The following FOXA3 variants were observed in gnomAD, a reference collection of about 807,000 sequenced individuals.
FOXA3 encodes hepatocyte nuclear factor 3-gamma.
Under a neutral mutation model 16.9 loss-of-function variants are expected in FOXA3, and 11 were observed. The ratio of observed to expected loss-of-function variants is 0.65; its 90% CI spans 0.41 to 1.08. The LOEUF is 1.08. Ranked by LOEUF, FOXA3 falls within the 50% of genes least tolerant of loss-of-function variation. FOXA3 has a pLI of 0.00. For missense variants in FOXA3, 423 were observed against 470.1 expected (o/e 0.90, Z 0.93); for synonymous variants, 217 against 203.3 (o/e 1.07, Z -0.57).
Position 45,864,454 on chromosome 19 carries a change from G to C in FOXA3, c.-3G>C. 1 of 1,478,026 alleles carries C rather than the reference G, an allele frequency of 6.8e-7. No homozygotes were observed. Among genetic ancestry groups the C allele is most frequent in the African/African-American group, 1.4e-5 (1 of 70,454 alleles). The allele number at this position is 1,478,026 out of a possible 1,614,324, so 91.6% of individuals were successfully genotyped here. A position where few individuals can be genotyped will look rare whatever the true frequency, so the allele number is the denominator to read the frequency against. Reference sequence around the variant, plus strand: ...GGGGCGGGTGGGGGCGTAAGCCCGGGGGATGCTGGGCTCAGTGAAGATGGA... The same window carrying C: ...GGGGCGGGTGGGGGCGTAAGCCCGGCGGATGCTGGGCTCAGTGAAGATGGA... On this transcript the variant is annotated 5_prime_UTR_variant, in exon 1 of 2. Transcript: ENST00000302177.
Position 45,872,440 on chromosome 19 carries a change from G to C in FOXA3, c.435G>C (p.Gln145His), listed in dbSNP as rs1392261840. Reference sequence around the variant, plus strand: ...TGCTGACCTTGAGTGAAATCTACCAGTGGATCATGGACCTCTTCCCTTACT... The same window carrying C: ...TGCTGACCTTGAGTGAAATCTACCACTGGATCATGGACCTCTTCCCTTACT... ...GKMLTLSEIY[Q>H]WIMDLFPYYR... Residue 145 changes from glutamine to histidine, a missense_variant, in exon 2 of 2, where the codon CAG (glutamine) becomes CAC (histidine). Transcript: ENST00000302177. This position sits in a 1 kb window ranked among gnomAD's most constrained non-coding sequence, Gnocchi z 4.5. 16 of 1,614,110 alleles carry C rather than the reference G, an allele frequency of 9.9e-6. No individual in the cohort carries two copies. The highest frequency in any genetic ancestry group is 1.2e-5 in the Non-Finnish European group (14 of 1,180,046).
intron 1 of FOXA3, among the ~76,000 whole-genome samples, chr19:45,867,414 G>GAGGGAGAT (rs373004327): frequency 9.7e-5 from 14 of 143,622 alleles, no homozygotes; most frequent in East Asian, 4.2e-4. Context: ...TGAAGGGAGG[G>GAGGGAGAT]AGATAGATAG....
intron 1 of FOXA3, among the ~76,000 whole-genome samples, chr19:45,869,566 T>A (rs906597173): frequency 6.6e-6 from 1 of 152,182 alleles, no homozygotes; most frequent in Non-Finnish European, 1.5e-5. Context: ...TTCCCCCCAT[T>A]TGAACATTTC....
chr19:45,872,209 A>G lies in FOXA3; in HGVS notation c.204A>G (p.Pro68=), dbSNP rs534654490. 32 of 1,600,010 alleles carry G rather than the reference A, an allele frequency of 2.0e-5. No individual in the cohort carries two copies. In the Admixed American group the frequency reaches 2.4e-4, roughly 12 times the overall value. The part of the protein sequence containing the change: ...SPLPSGPLAP[P]APAAPLGPTF... ...TGCCCTCAGGACCCCTGGCACCCCC[A>G]GCACCTGCAGCCCCCCTGGGGCCCA... Residue 68 remains proline (P), a synonymous_variant, in exon 2 of 2, where the codon CCA becomes CCG. Coordinates refer to ENST00000302177, the MANE Select transcript of FOXA3 (RefSeq NM_004497.3). This position sits in a 1 kb window ranked among gnomAD's most constrained non-coding sequence, Gnocchi z 4.5.
Position 45,872,032 on chromosome 19 carries a change from C to T in FOXA3, c.70-43C>T. The T allele has an allele frequency of 6.3e-7, 1 of 1,593,408 alleles. No homozygotes were observed. Among genetic ancestry groups the T allele is most frequent in the Non-Finnish European group, 8.6e-7 (1 of 1,166,764 alleles). On this transcript the variant is annotated intron_variant, in intron 1 of 1. Transcript: ENST00000302177. This position sits in a 1 kb window ranked among gnomAD's most constrained non-coding sequence, Gnocchi z 4.5. ...GGTCCTGGGATCCTTTGCTGACCAG[C>T]AGAGTGGAGCCCCACTGACCCCTCC... is the stretch of plus-strand genomic sequence containing the variant.
chr19:45,867,307 C>G (rs1004735891), intron 1 of FOXA3, among the ~76,000 whole-genome samples: 1 of 151,962 alleles, frequency 6.6e-6, no homozygotes, highest in Middle Eastern at 3.4e-3. Flanking sequence ...GGAGGGGACC[C>G]GAAGCCACCA....
Position 45,864,394 on chromosome 19 carries a change from G to C in FOXA3, c.-63G>C, listed in dbSNP as rs1382552453. The C allele has an allele frequency of 1.5e-6, 2 of 1,292,502 alleles. No individual in the cohort carries two copies. Among genetic ancestry groups the C allele is most frequent in the African/African-American group, 3.1e-5 (2 of 64,764 alleles). The allele number at this position is 1,292,502 out of a possible 1,614,324, so 80.1% of individuals were successfully genotyped here. A position where few individuals can be genotyped will look rare whatever the true frequency, so the allele number is the denominator to read the frequency against. Reference sequence around the variant, plus strand: ...GGAGCTCGGGCCGTGCCCGCTGAGAGATCCAGAGCGCTCCGTTCCCCCGGG... The same window carrying C: ...GGAGCTCGGGCCGTGCCCGCTGAGACATCCAGAGCGCTCCGTTCCCCCGGG... On this transcript the variant is annotated 5_prime_UTR_variant, in exon 1 of 2. Coordinates refer to ENST00000302177, the MANE Select transcript of FOXA3 (RefSeq NM_004497.3).
At chr19:45,864,779 G>A (rs930335681) in intron 1 of FOXA3, among the ~76,000 whole-genome samples, 3 of 152,148 alleles carry the variant, frequency 2.0e-5, no homozygotes, top group South Asian at 4.1e-4. Flanking sequence ...CAAGGGTCGG[G>A]TCACACCTTA....
At chr19:45,866,974 G>A (rs1262397109) in intron 1 of FOXA3, among the ~76,000 whole-genome samples, 1 of 152,164 alleles carries the variant, frequency 6.6e-6, no homozygotes, top group Non-Finnish European at 1.5e-5. Context: ...TCCCCCAAGG[G>A]CTTCCCCCCA....
At chr19:45,865,120 T>G (rs1391487794) in intron 1 of FOXA3, among the ~76,000 whole-genome samples, 1 of 151,952 alleles carries the variant, frequency 6.6e-6, no homozygotes, top group Non-Finnish European at 1.5e-5. Context: ...TTTTGGAGTC[T>G]GAAATAACAG....
intron 1 of FOXA3, among the ~76,000 whole-genome samples, chr19:45,870,616 G>A (rs1966896058): frequency 7.3e-6 from 1 of 136,996 alleles, no homozygotes. Flanking sequence ...TGTCCTGGCT[G>A]GAGTGTGCAG....
At chr19:45,866,976 T>G (rs1342535512) in intron 1 of FOXA3, among the ~76,000 whole-genome samples, 1 of 152,132 alleles carries the variant, frequency 6.6e-6, no homozygotes, top group East Asian at 1.9e-4. Flanking sequence ...CCCCAAGGGC[T>G]TCCCCCCAAT....
chr19:45,865,486 G>A (rs1972076172), intron 1 of FOXA3, among the ~76,000 whole-genome samples: 1 of 152,114 alleles, frequency 6.6e-6, no homozygotes, highest in South Asian at 2.1e-4. Context: ...TGTAATCAAC[G>A]TTGTGAGGTT....
At position 45,864,525 on chromosome 19, in the gene FOXA3, G is replaced by T; in HGVS notation, c.69G>T (p.Glu23Asp). Residue 23 changes from glutamate (E) to aspartate (D), a missense_variant and splice_region_variant, in exon 1 of 2, where the codon GAG becomes GAT. Around this residue, in one of 3 missense-constraint regions of FOXA3, gnomAD observed 170 missense variants for 153.9 expected, o/e 1.10. Coordinates refer to ENST00000302177, the MANE Select transcript of FOXA3 (RefSeq NM_004497.3). ...GGAGCTACTACCCGGAGGCGGGCGA[G>T]GTGTGTCCTCGGGGATGGCGGAGCG... ...AEWSYYPEAG[E>D]VYSPVTPVPT... 2 of 1,544,652 alleles carry T rather than the reference G, an allele frequency of 1.3e-6. No individual in the cohort carries two copies. The highest frequency in any genetic ancestry group is 8.7e-7 in the Non-Finnish European group (1 of 1,143,616).
intron 1 of FOXA3, 124 bp from the exon 2 acceptor site, chr19:45,871,951 A>C (rs1176416591): frequency 1.0e-6 from 1 of 955,506 alleles, no homozygotes; most frequent in African/African-American, 1.6e-5. Context: ...GATAGAGGTA[A>C]TGATGGAAGG....
intron 1 of FOXA3, among the ~76,000 whole-genome samples, chr19:45,868,710 C>A (rs1258771222): frequency 6.6e-6 from 1 of 152,026 alleles, no homozygotes; most frequent in Non-Finnish European, 1.5e-5. Context: ...AGACCCCAGG[C>A]CTCGGAGGAG....
At chr19:45,868,722 C>A (rs764168160) in intron 1 of FOXA3, among the ~76,000 whole-genome samples, 100 of 152,012 alleles carry the variant, frequency 6.6e-4, no homozygotes, top group Non-Finnish European at 1.2e-3. Context: ...TCGGAGGAGG[C>A]AGTGGGGAAA....
At chr19:45,871,947 G>A in intron 1 of FOXA3, 128 bp from the exon 2 acceptor site, 1 of 915,788 alleles carries the variant, frequency 1.1e-6, no homozygotes, top group East Asian at 2.5e-5. Context: ...TACAGATAGA[G>A]GTAATGATGG....
At chr19:45,869,528 C>T (rs571215255) in intron 1 of FOXA3, among the ~76,000 whole-genome samples, 88 of 152,248 alleles carry the variant, frequency 5.8e-4, no homozygotes, top group African/African-American at 2.0e-3. Context: ...CAAGATCTAC[C>T]GTGTTCCATT....
Sources: gnomAD v4.1 joint callset for allele counts (sites outside exome capture counted in the v4.1 genomes callset) on GRCh38, gnomAD v4.1.1 for gene constraint, gnomAD v4.1.1 regional missense constraint, Gnocchi (gnomAD v3.1) non-coding constraint, MANE v1.5 for transcripts, NCBI Gene and HGNC (gene_info 2026-07-23, HGNC 2026-07-21) for gene names.